Variants in SH2B2 observed in about 807,000 individuals in gnomAD.
SH2B2 encodes the protein SH2B adapter protein 2.
A neutral mutation model predicts 35.7 loss-of-function variants in SH2B2; 37 were observed. The ratio of observed to expected loss-of-function variants is 1.04; its 90% CI spans 0.80 to 1.36. The LOEUF (loss-of-function observed/expected upper bound fraction) is 1.36. Ranked by LOEUF, SH2B2 falls within the 40% of genes most tolerant of loss-of-function variation. The pLI, the probability that SH2B2 is intolerant of heterozygous loss-of-function variation, is 0.00. For missense variants in SH2B2, 852 were observed against 817.7 expected (o/e 1.04, Z -0.51); for synonymous variants, 383 against 376.4 (o/e 1.02, Z -0.20).
intron 1 of SH2B2, among the ~76,000 whole-genome samples, chr7:102,300,019 G>C (rs1793081340): frequency 6.6e-6 from 1 of 152,226 alleles, no homozygotes; most frequent in Non-Finnish European, 1.5e-5. Context: ...CTGGGTTCAA[G>C]TGATTTTCCT....
intron 1 of SH2B2, among the ~76,000 whole-genome samples, chr7:102,298,036 C>T (rs1319862379): frequency 2.0e-5 from 3 of 151,958 alleles, no homozygotes; most frequent in Non-Finnish European, 4.4e-5. Context: ...GTGCAAAGGT[C>T]CTGAGGTAGA....
intron 6 of SH2B2, among the ~76,000 whole-genome samples, chr7:102,315,101 A>G (rs1793770972): frequency 6.6e-6 from 1 of 151,954 alleles, no homozygotes; most frequent in Non-Finnish European, 1.5e-5. Flanking sequence ...AGGCAGGAAA[A>G]TCACTTGAAC....
In SH2B2 at chr7:102,312,778, G is replaced by A. The variant is rs947882879; in HGVS notation, c.924-1558G>A. ...CAGCTCACTGCAGCCTCCAACTCCT[G>A]GACTCCATTGACCCTCCTGCCTCAC... On this transcript the variant is annotated intron_variant, in intron 4 of 8. Coordinates refer to ENST00000444095, the MANE Select transcript of SH2B2 (RefSeq NM_001359228.2). 1.9e-4 allele frequency among the ~76,000 whole-genome samples: 29 copies of A among 152,046 alleles called. No homozygotes were observed. The East Asian group carries it at 4.8e-3, about 25-fold the overall frequency.
chr7:102,320,412 C>T lies in SH2B2; in HGVS notation c.1477C>T (p.His493Tyr). 1 of 1,613,736 alleles carries T rather than the reference C, an allele frequency of 6.2e-7. No individual in the cohort carries two copies. The highest frequency in any genetic ancestry group is 8.5e-7 in the Non-Finnish European group (1 of 1,179,880). ...CCAGTCTGTGCTTGACATGCTCCGCCACTTCCACACACACCCCATCCCACT... is the reference window on the plus strand; with the variant it reads ...CCAGTCTGTGCTTGACATGCTCCGCTACTTCCACACACACCCCATCCCACT... ...WFQSVLDMLRHFHTHPIPLES... is the reference protein window; with the variant it reads ...WFQSVLDMLRYFHTHPIPLES... Residue 493 changes from histidine (H) to tyrosine (Y), a missense_variant, in exon 8 of 9, where the codon CAC (histidine) becomes TAC (tyrosine). Physicochemically the swap from His to Tyr is moderately conservative, Grantham distance 83. Transcript: ENST00000444095.
chr7:102,301,336 G>T, intron 2 of SH2B2, 57 bp downstream of exon 2: 1 of 1,527,538 alleles, frequency 6.5e-7, no homozygotes, highest in East Asian at 2.6e-5. Flanking sequence ...CACCTGGGCA[G>T]CAGCTGAGGG....
intron 1 of SH2B2, among the ~76,000 whole-genome samples, chr7:102,295,621 G>A (rs1792878706): frequency 6.6e-6 from 1 of 152,228 alleles, no homozygotes; most frequent in African/African-American, 2.4e-5. Flanking sequence ...GACACTTGAA[G>A]TACCCTATAA....
chr7:102,321,314 C>T lies in SH2B2; in HGVS notation c.1583C>T (p.Pro528Leu), dbSNP rs1794065098. Residue 528 changes from proline to leucine, a missense_variant, in exon 9 of 9, where the codon CCC (proline) becomes CTC (leucine). Physicochemically the swap from Pro to Leu is moderately conservative, Grantham distance 98 (BLOSUM62 -3). Around this residue, in one of 3 missense-constraint regions of SH2B2, gnomAD observed 556 missense variants for 514.5 expected, o/e 1.08. Transcript: ENST00000444095. ...QDPPPEPGPT[P>L]PAAPASPACW... ...CTTGTTGCAGAGCCGGGCCCCACGCCCCCTGCCGCGCCCGCGTCCCCGGCC... is the reference window on the plus strand; with the variant it reads ...CTTGTTGCAGAGCCGGGCCCCACGCTCCCTGCCGCGCCCGCGTCCCCGGCC... The T allele has an allele frequency of 2.1e-6, 3 of 1,423,124 alleles. No homozygotes were observed. The highest frequency in any genetic ancestry group is 1.5e-5 in the African/African-American group (1 of 66,630). The allele number at this position is 1,423,124 out of a possible 1,614,324, so 88.2% of individuals were successfully genotyped here.
rs1793884562 is a variant in SH2B2 at position 102,317,337 on chromosome 7, A to C, written c.1337A>C (p.Gln446Pro). 6.2e-6 allele frequency: 10 copies of C among 1,611,670 alleles called. No individual in the cohort carries two copies. The highest frequency in any genetic ancestry group is 8.5e-6 in the Non-Finnish European group (10 of 1,178,152). The change falls in exon 7 of 9, where the codon CAA (glutamine) becomes CCA (proline). Residue 446 changes from glutamine (Q) to proline (P), a missense_variant. Around this residue, in one of 3 missense-constraint regions of SH2B2, gnomAD observed 556 missense variants for 514.5 expected, o/e 1.08. Coordinates refer to ENST00000444095, the MANE Select transcript of SH2B2 (RefSeq NM_001359228.2). ...AACCACGGCCTCTTCGTGATCCGCC[A>C]AAGTGAGACTCGGCCTGGGGAGTAC... ...PRNHGLFVIR[Q>P]SETRPGEYVL...
chr7:102,320,567 G>A (rs1794018191), intron 8 of SH2B2, 65 bp downstream of exon 8: 8 of 1,538,418 alleles, frequency 5.2e-6, no homozygotes, highest in South Asian at 3.6e-5. Context: ...ACTCAAGAAG[G>A]TGGTCCCTGG....
intron 1 of SH2B2, 106 bp from the exon 2 acceptor site, chr7:102,300,416 A>G: frequency 1.5e-6 from 2 of 1,316,994 alleles, no homozygotes; most frequent in Non-Finnish European, 2.0e-6. Context: ...GCATGTACAC[A>G]CACACCCACA....
intron 2 of SH2B2, among the ~76,000 whole-genome samples, chr7:102,306,359 G>A (rs1034796890): frequency 6.6e-6 from 1 of 152,180 alleles, no homozygotes; most frequent in Non-Finnish European, 1.5e-5. Context: ...AAAGTGCTGG[G>A]ATTACAGGCG....
chr7:102,298,168 GGGCTTT>G (rs1563550938), intron 1 of SH2B2, among the ~76,000 whole-genome samples: 1 of 152,198 alleles, frequency 6.6e-6, no homozygotes, highest in Non-Finnish European at 1.5e-5. Context: ...GCTGTGGATA[GGGCTTT>G]GGCTTTTACT....
intron 7 of SH2B2, 94 bp from the exon 8 acceptor site, chr7:102,320,237 C>T: frequency 9.3e-7 from 1 of 1,075,008 alleles, no homozygotes; most frequent in South Asian, 1.4e-5. Flanking sequence ...CATACAGCCC[C>T]TGTGAGCCTT....
intron 4 of SH2B2, 119 bp from the exon 5 acceptor site, chr7:102,314,217 G>C (rs1793729912): frequency 2.5e-6 from 1 of 397,804 alleles, no homozygotes. Context: ...GGTGACCAGA[G>C]CCAGGAGGCC....
chr7:102,316,314 G>A (rs1031554039), intron 6 of SH2B2, among the ~76,000 whole-genome samples: 25 of 152,010 alleles, frequency 1.6e-4, no homozygotes, highest in African/African-American at 5.3e-4. Context: ...TTGGCTGGGC[G>A]CAGTGGCTCA....
intron 2 of SH2B2, among the ~76,000 whole-genome samples, chr7:102,305,980 GACC>G (rs145048038): frequency 0.044 from 6,286 of 144,482 alleles, 435 homozygotes; most frequent in African/African-American, 0.15. Context: ...CTGCAGCCTC[GACC>G]ACCTCCCCTG....
chr7:102,298,356 G>T lies in SH2B2; in HGVS notation c.-29-2166G>T, dbSNP rs143155883. 4.2e-4 allele frequency among the ~76,000 whole-genome samples: 64 copies of T among 152,206 alleles called. No homozygotes were observed. In the East Asian group the frequency reaches 0.012, roughly 29 times the overall value. On this transcript the variant is annotated intron_variant, in intron 1 of 8. Transcript: ENST00000444095. ...AGCTCACTGCAGCCTCCAAATCCTG[G>T]GCTCAAGCGATTCTGCCACTTCAGT...
intron 6 of SH2B2, among the ~76,000 whole-genome samples, chr7:102,315,017 C>T (rs1365271685): frequency 6.6e-6 from 1 of 151,974 alleles, no homozygotes. Context: ...GGCAAAACCC[C>T]GTCACTACTA....
chr7:102,313,409 C>T (rs1793700976), intron 4 of SH2B2, among the ~76,000 whole-genome samples: 1 of 151,040 alleles, frequency 6.6e-6, no homozygotes, highest in African/African-American at 2.4e-5. Flanking sequence ...GATCGTGCCA[C>T]TGCACTCCAG....
Sources: allele counts gnomAD v4.1 joint callset (sites outside exome capture counted in the v4.1 genomes callset), GRCh38; gene constraint gnomAD v4.1.1; regional missense constraint gnomAD v4.1.1; transcripts MANE v1.5; gene names NCBI Gene and HGNC (gene_info 2026-07-23, HGNC 2026-07-21).